Variants in FILIP1 observed in about 807,000 individuals in gnomAD.
The protein encoded by FILIP1 is filamin A interacting protein 1.
FILIP1 carries 61 observed loss-of-function variants against 102.1 expected under a neutral mutation model. The ratio of observed to expected loss-of-function variants is 0.60; its 90% CI spans 0.49 to 0.74. The LOEUF is 0.74. FILIP1 is among the 30% of genes least tolerant of loss of function. The probability of loss-of-function intolerance (pLI) is 0.00; values close to 1 mark genes in which losing one functional copy is unlikely to be tolerated. For missense variants in FILIP1, 1,314 were observed against 1,441.2 expected, an observed-to-expected ratio of 0.91 and a Z score of 1.43; for synonymous variants, 491 against 526.9, an observed-to-expected ratio of 0.93 and a Z score of 0.93.
chr6:75,451,694 G>T (rs955960091), intron 1 of FILIP1, among the ~76,000 whole-genome samples: 5 of 152,110 alleles, frequency 3.3e-5, no homozygotes, highest in Admixed American at 2.0e-4. Flanking sequence ...AGCCAGATGT[G>T]GTGGTGTGCA....
At position 75,326,305 on chromosome 6, in the gene FILIP1, G is replaced by A. The variant is rs148358285; in HGVS notation, c.630-11103C>T. ...TAAGTGAGATCTAAGCTATGAGGAC[G>A]CAAAGGCATAAGAATGATACAATGG... On this transcript the variant is annotated intron_variant, in intron 4 of 5. Transcript: ENST00000237172. 2.6e-3 allele frequency among the ~76,000 whole-genome samples: 396 copies of A among 152,190 alleles called. 1 individual carries two copies. Among genetic ancestry groups the A allele is most frequent in the African/African-American group, 9.3e-3 (385 of 41,522 alleles).
intron 2 of FILIP1, among the ~76,000 whole-genome samples, chr6:75,365,271 C>A (rs552905918): frequency 7.2e-5 from 11 of 152,018 alleles, no homozygotes; most frequent in Non-Finnish European, 1.0e-4. Context: ...AATTGAGATA[C>A]TGATTACAAA....
chr6:75,377,436 A>T (rs1453832776), intron 2 of FILIP1, among the ~76,000 whole-genome samples: 1 of 152,220 alleles, frequency 6.6e-6, no homozygotes, highest in Non-Finnish European at 1.5e-5. Flanking sequence ...TGAACATCTC[A>T]TATGTACTGT....
intron 1 of FILIP1, among the ~76,000 whole-genome samples, chr6:75,473,026 A>G (rs1023898506): frequency 3.9e-5 from 6 of 152,166 alleles, no homozygotes; most frequent in East Asian, 3.8e-4. Flanking sequence ...ATTAAGGTCT[A>G]TACTCTAGAG....
At chr6:75,453,270 G>A (rs1392053848) in intron 1 of FILIP1, among the ~76,000 whole-genome samples, 1 of 152,078 alleles carries the variant, frequency 6.6e-6, no homozygotes, top group East Asian at 1.9e-4. Flanking sequence ...CAACTTCTAT[G>A]CCCCTAGAAA....
chr6:75,427,817 C>T (rs986045280), intron 1 of FILIP1, among the ~76,000 whole-genome samples: 1 of 152,172 alleles, frequency 6.6e-6, no homozygotes, highest in Non-Finnish European at 1.5e-5. Flanking sequence ...TCCTTTTGAA[C>T]TCTCACTCTT....
intron 4 of FILIP1, among the ~76,000 whole-genome samples, chr6:75,337,179 A>T (rs1774270699): frequency 6.6e-6 from 1 of 152,176 alleles, no homozygotes; most frequent in Admixed American, 6.5e-5. Context: ...AATATAGTGC[A>T]TGTGGAAAGT....
At chr6:75,450,336 A>G (rs1042960230) in intron 1 of FILIP1, among the ~76,000 whole-genome samples, 1 of 152,130 alleles carries the variant, frequency 6.6e-6, no homozygotes, top group African/African-American at 2.4e-5. Flanking sequence ...GTTTAATAAG[A>G]ATACCAATAA....
chr6:75,303,525 C>T (rs1471395589), downstream of FILIP1, among the ~76,000 whole-genome samples: 2 of 152,118 alleles, frequency 1.3e-5, no homozygotes, highest in Non-Finnish European at 2.9e-5. Context: ...TGCCCTTGCC[C>T]TTACTAGAGA....
At chr6:75,485,196 C>T (rs2149783398) in intron 1 of FILIP1, among the ~76,000 whole-genome samples, 1 of 152,260 alleles carries the variant, frequency 6.6e-6, no homozygotes, top group East Asian at 1.9e-4. Flanking sequence ...AACAGACAGC[C>T]TTCGTGAAAT....
At chr6:75,298,321 G>A (rs1346150377) in intron 6 of FILIP1, among the ~76,000 whole-genome samples, 1 of 152,072 alleles carries the variant, frequency 6.6e-6, no homozygotes, top group Non-Finnish European at 1.5e-5. Context: ...TGCTAAATAA[G>A]AGTTTATCTT....
At chr6:75,430,544 T>C (rs1777789911) in intron 1 of FILIP1, among the ~76,000 whole-genome samples, 1 of 152,128 alleles carries the variant, frequency 6.6e-6, no homozygotes, top group African/African-American at 2.4e-5. Flanking sequence ...ATCATAAATA[T>C]ATATAATAAC....
chr6:75,465,752 T>C (rs1385855224), intron 1 of FILIP1, among the ~76,000 whole-genome samples: 8 of 152,220 alleles, frequency 5.3e-5, no homozygotes, highest in Admixed American at 6.5e-5. Flanking sequence ...ACTTGAAATA[T>C]ATAAATTGTG....
intron 1 of FILIP1, among the ~76,000 whole-genome samples, chr6:75,483,271 G>A (rs543202840): frequency 6.5e-4 from 99 of 152,308 alleles, no homozygotes; most frequent in African/African-American, 2.3e-3. Context: ...GGACAGATCA[G>A]CTTGTTTCCA....
chr6:75,411,461 C>T (rs938745253), intron 2 of FILIP1, among the ~76,000 whole-genome samples: 2 of 152,142 alleles, frequency 1.3e-5, no homozygotes, highest in Non-Finnish European at 2.9e-5. Flanking sequence ...GTTGCCATTG[C>T]TTTTGGTGTT....
At chr6:75,348,062 T>TATAC (rs1554202431) in intron 4 of FILIP1, among the ~76,000 whole-genome samples, 135 of 147,376 alleles carry the variant, frequency 9.2e-4, no homozygotes, top group African/African-American at 3.3e-3. Flanking sequence ...ACATCAGTTA[T>TATAC]ACACACACAC....
chr6:75,490,467 C>T lies in FILIP1; in HGVS notation c.-7+2947G>A, dbSNP rs564565074. Among the ~76,000 whole-genome samples, 5 of 152,084 alleles carry T rather than the reference C, an allele frequency of 3.3e-5. No homozygotes were observed. The South Asian group carries it at 6.2e-4, about 19-fold the overall frequency. On this transcript the variant is annotated intron_variant, in intron 1 of 5. Coordinates refer to ENST00000237172, the MANE Select transcript of FILIP1 (RefSeq NM_015687.5). Reference sequence around the variant, plus strand: ...AAAAACAACAGAAAAAGGATCATAACGTATTTAAATGTTTTCTTGTTCAAA... The same window carrying T: ...AAAAACAACAGAAAAAGGATCATAATGTATTTAAATGTTTTCTTGTTCAAA...
intron 1 of FILIP1, among the ~76,000 whole-genome samples, chr6:75,434,904 T>G (rs2149712350): frequency 6.6e-6 from 1 of 152,358 alleles, no homozygotes; most frequent in Middle Eastern, 3.4e-3. Context: ...CGAAGGGCGT[T>G]GAATTTTGTC....
At position 75,414,859 on chromosome 6, in the gene FILIP1, C is replaced by A; in HGVS notation, c.114G>T (p.Lys38Asn). ...CCTCCTTCCTATTTGATTTCTTCTTCTTTTTTGCATCTTCTGAGAGACTTT... is the reference window on the plus strand; with the variant it reads ...CCTCCTTCCTATTTGATTTCTTCTTATTTTTTGCATCTTCTGAGAGACTTT... Reference protein sequence around the residue: ...GEKSLSEDAKKKKKSNRKEDD... With the variant: ...GEKSLSEDAKNKKKSNRKEDD... The change falls in exon 2 of 6, where the codon AAG becomes AAT. Residue 38 changes from lysine (K) to asparagine (N), a missense_variant. Around this residue, in one of 3 missense-constraint regions of FILIP1, gnomAD observed 494 missense variants for 511.2 expected, o/e 0.97. Coordinates refer to ENST00000237172, the MANE Select transcript of FILIP1 (RefSeq NM_015687.5). The A allele has an allele frequency of 6.2e-7, 1 of 1,613,870 alleles. No homozygotes were observed. The highest frequency in any genetic ancestry group is 8.5e-7 in the Non-Finnish European group (1 of 1,179,868).
Sources: allele counts gnomAD v4.1 joint callset (sites outside exome capture counted in the v4.1 genomes callset), GRCh38; gene constraint gnomAD v4.1.1; regional missense constraint gnomAD v4.1.1; transcripts MANE v1.5; gene names NCBI Gene and HGNC (gene_info 2026-07-23, HGNC 2026-07-21).